Variants in COL4A6 observed in about 807,000 individuals in gnomAD.
COL4A6 encodes collagen alpha-6(IV) chain.
A neutral mutation model predicts 126.7 loss-of-function variants in COL4A6; 59 were observed. That is an observed-to-expected ratio of 0.47 (90% CI 0.38 to 0.58). The LOEUF is 0.58. Ranked by LOEUF, COL4A6 falls within the 20% of genes least tolerant of loss-of-function variation. COL4A6 has a pLI of 0.00. For missense variants in COL4A6, 1,285 were observed against 1,337.3 expected (o/e 0.96, Z 0.61); for synonymous variants, 547 against 496.6 (o/e 1.10, Z -1.35).
At chrX:108,343,165 A>ATATATATAGTGTGTGTGTGT (rs1377817612) in intron 2 of COL4A6, among the ~76,000 whole-genome samples, 3 of 31,416 alleles carry the variant, frequency 9.5e-5, no homozygotes, top group East Asian at 1.3e-3. Context: ...ATATATATAT[A>ATATATATAGTGTGTGTGTGT]GTGTGTGTGT....
intron 2 of COL4A6, among the ~76,000 whole-genome samples, chrX:108,344,946 T>C (rs2039672587): frequency 8.9e-6 from 1 of 111,891 alleles, no homozygotes; most frequent in Non-Finnish European, 1.9e-5. Context: ...ATACTAACCA[T>C]GGGTGGGGGA....
At chrX:108,301,054 A>G (rs2038475890) in intron 3 of COL4A6, among the ~76,000 whole-genome samples, 1 of 112,854 alleles carries the variant, frequency 8.9e-6, no homozygotes, top group South Asian at 3.6e-4. Context: ...AACTTTTACT[A>G]TAGCTTAGAG....
At chrX:108,389,099 G>A (rs887794516) in intron 2 of COL4A6, among the ~76,000 whole-genome samples, 2 of 111,665 alleles carry the variant, frequency 1.8e-5, no homozygotes, top group Non-Finnish European at 3.8e-5. Context: ...TATGATTTCC[G>A]TTCTCTTGCA....
intron 2 of COL4A6, among the ~76,000 whole-genome samples, chrX:108,356,252 G>A (rs2039958098): frequency 9.2e-6 from 1 of 108,960 alleles, no homozygotes; most frequent in South Asian, 4.1e-4. Flanking sequence ...AATGGGTACA[G>A]CACACCACCA....
At chrX:108,305,841 A>C (rs193070743) in intron 3 of COL4A6, among the ~76,000 whole-genome samples, 1 of 112,039 alleles carries the variant, frequency 8.9e-6, no homozygotes, top group Admixed American at 9.4e-5. Context: ...GAAGGAGTAC[A>C]TCTGGTGGGG....
intron 3 of COL4A6, 129 bp from the exon 4 acceptor site, chrX:108,221,503 G>A (rs1044511523): frequency 3.7e-5 from 27 of 724,675 alleles, no homozygotes; most frequent in Non-Finnish European, 5.0e-5. Context: ...TGTGAGGCAC[G>A]CCAAAGTTCC....
chrX:108,394,266 G>A (rs930839788), intron 2 of COL4A6, among the ~76,000 whole-genome samples: 4 of 109,593 alleles, frequency 3.6e-5, no homozygotes, highest in African/African-American at 1.3e-4. Context: ...CACACACTGG[G>A]GCCTGTCGGG....
At chrX:108,379,517 GTCT>G (rs2040519632) in intron 2 of COL4A6, among the ~76,000 whole-genome samples, 1 of 91,809 alleles carries the variant, frequency 1.1e-5, no homozygotes, top group Non-Finnish European at 2.1e-5. Context: ...ACTTCAAACA[GTCT>G]TCCTTCCTTT....
At chrX:108,318,370 C>A (rs1300742150) in intron 2 of COL4A6, among the ~76,000 whole-genome samples, 1 of 111,272 alleles carries the variant, frequency 9.0e-6, no homozygotes, top group Non-Finnish European at 1.9e-5. Context: ...GAAGTTCTGG[C>A]CAGGGCGATT....
At chrX:108,352,412 G>C (rs1184760362) in intron 2 of COL4A6, among the ~76,000 whole-genome samples, 1 of 112,345 alleles carries the variant, frequency 8.9e-6, no homozygotes, top group Admixed American at 9.4e-5. Context: ...TTTGATGAAG[G>C]TATCACTGTA....
intron 35 of COL4A6, 149 bp downstream of exon 35, chrX:108,170,460 C>T: frequency 1.8e-6 from 1 of 541,221 alleles, no homozygotes; most frequent in Non-Finnish European, 3.2e-6. Context: ...GCCTTCATTA[C>T]TCTTCATCTT....
intron 3 of COL4A6, among the ~76,000 whole-genome samples, chrX:108,247,917 T>C (rs1486080151): frequency 2.7e-5 from 3 of 111,595 alleles, no homozygotes; most frequent in Non-Finnish European, 5.7e-5. Flanking sequence ...AGGAGGTCCA[T>C]AGCCCACTCC....
At chrX:108,396,697 A>G (rs775862174) in intron 2 of COL4A6, among the ~76,000 whole-genome samples, 1 of 111,837 alleles carries the variant, frequency 8.9e-6, no homozygotes, top group South Asian at 3.8e-4. Flanking sequence ...GTCATGATGC[A>G]CCTAAGATTT....
At chrX:108,338,857 A>G (rs1474730439) in intron 2 of COL4A6, among the ~76,000 whole-genome samples, 1 of 112,112 alleles carries the variant, frequency 8.9e-6, no homozygotes, top group Admixed American at 9.5e-5. Context: ...AGTTTAGACT[A>G]TAGTATGTAA....
chrX:108,231,139 C>A (rs1376352678), intron 3 of COL4A6, among the ~76,000 whole-genome samples: 3 of 111,610 alleles, frequency 2.7e-5, no homozygotes, highest in Non-Finnish European at 5.6e-5. Flanking sequence ...TGATGTCTTG[C>A]AAAGGCAATT....
chrX:108,371,235 A>G (rs761505383), intron 2 of COL4A6, among the ~76,000 whole-genome samples: 1 of 110,281 alleles, frequency 9.1e-6, no homozygotes, highest in Non-Finnish European at 1.9e-5. Flanking sequence ...AGCATCAAAA[A>G]GAAAAAAAAG....
intron 3 of COL4A6, among the ~76,000 whole-genome samples, chrX:108,301,940 T>A (rs2038500704): frequency 8.9e-6 from 1 of 111,871 alleles, no homozygotes; most frequent in Non-Finnish European, 1.9e-5. Context: ...GACTATGCTA[T>A]AAGGAAAGAG....
intron 3 of COL4A6, among the ~76,000 whole-genome samples, chrX:108,284,258 C>A (rs865933545): frequency 1.1e-5 from 1 of 90,812 alleles, no homozygotes; most frequent in African/African-American, 4.3e-5. Context: ...GGGAGTTGAA[C>A]AATGAGAACC....
intron 3 of COL4A6, among the ~76,000 whole-genome samples, chrX:108,251,225 G>C (rs2036844267): frequency 9.0e-6 from 1 of 111,565 alleles, no homozygotes; most frequent in African/African-American, 3.3e-5. Context: ...CTTTTGAACA[G>C]GAAAAACACA....
Sources: gnomAD v4.1 joint callset for allele counts (sites outside exome capture counted in the v4.1 genomes callset) on GRCh38, gnomAD v4.1.1 for gene constraint, MANE v1.5 for transcripts, NCBI Gene and HGNC (gene_info 2026-07-23, HGNC 2026-07-21) for gene names.